Variants in PTPDC1 observed in about 807,000 individuals in gnomAD.
The protein encoded by PTPDC1 is protein tyrosine phosphatase domain containing 1, also known as protein tyrosine phosphatase domain-containing protein 1.
In PTPDC1, 53 loss-of-function variants were observed where a neutral mutation model predicts 75.3. The ratio of observed to expected loss-of-function variants is 0.70; its 90% CI spans 0.56 to 0.88. The LOEUF (loss-of-function observed/expected upper bound fraction) is 0.88. PTPDC1 is among the 40% of genes least tolerant of loss of function. PTPDC1 has a pLI of 0.00. For missense variants in PTPDC1, 925 were observed against 998.6 expected (o/e 0.93, Z 0.99); for synonymous variants, 349 against 366.2 (o/e 0.95, Z 0.54).
chr9:94,034,601 T>C (rs559150489), intron 1 of PTPDC1, among the ~76,000 whole-genome samples: 1 of 152,226 alleles, frequency 6.6e-6, no homozygotes, highest in South Asian at 2.1e-4. Flanking sequence ...AGTTAAAGAT[T>C]TCCTAGGTCT....
chr9:94,072,492 T>C (rs1826544498), intron 2 of PTPDC1, among the ~76,000 whole-genome samples: 1 of 152,042 alleles, frequency 6.6e-6, no homozygotes, highest in Non-Finnish European at 1.5e-5. Flanking sequence ...AGGACAGTTC[T>C]ATTTCCTCTT....
chr9:94,093,568 G>A lies in PTPDC1; in HGVS notation c.617-1749G>A, dbSNP rs568536359. On this transcript the variant is annotated intron_variant, in intron 4 of 8. Coordinates refer to ENST00000620992, the MANE Select transcript of PTPDC1 (RefSeq NM_001253829.2). The stretch of plus-strand genomic sequence containing the variant: ...GAATCTGACAATTATGTGTCTTGGA[G>A]TTGCCTTCTCGAGGAGTATCTTTGT... Among the ~76,000 whole-genome samples the A allele has an allele frequency of 4.6e-5, 7 of 152,006 alleles. No homozygotes were observed. In the East Asian group the frequency reaches 1.2e-3, roughly 25 times the overall value.
Position 94,094,952 on chromosome 9 carries a change from C to T in PTPDC1, c.617-365C>T, listed in dbSNP as rs974352765. 7.9e-5 allele frequency among the ~76,000 whole-genome samples: 12 copies of T among 152,220 alleles called. No individual in the cohort carries two copies. The South Asian group carries it at 1.2e-3, about 16-fold the overall frequency. Reference sequence around the variant, plus strand: ...TGCTTCGGCTGAGGCACGGTGCGTGCGCCCACTGACCTGCGCCCACTGTCT... The same window carrying T: ...TGCTTCGGCTGAGGCACGGTGCGTGTGCCCACTGACCTGCGCCCACTGTCT... On this transcript the variant is annotated intron_variant, in intron 4 of 8. Coordinates refer to ENST00000620992, the MANE Select transcript of PTPDC1 (RefSeq NM_001253829.2).
At chr9:94,076,181 A>T (rs996253199) in intron 2 of PTPDC1, among the ~76,000 whole-genome samples, 2 of 152,140 alleles carry the variant, frequency 1.3e-5, no homozygotes, top group Middle Eastern at 3.4e-3. Flanking sequence ...TGTATTTTTC[A>T]TGGAGACAGG....
upstream of PTPDC1, among the ~76,000 whole-genome samples, chr9:94,079,843 CT>C (rs1826817988): frequency 6.6e-6 from 1 of 152,208 alleles, no homozygotes; most frequent in African/African-American, 2.4e-5. Flanking sequence ...GGAATGATAG[CT>C]TCTGGTCTTC....
In PTPDC1 at chr9:94,084,709, T is replaced by C; in HGVS notation, c.179T>C (p.Met60Thr). ...CTGTCCTCGTCCTCTCTCCAGGTGA[T>C]GGTGGCTGTTTCCTCAGTCAGCCAT... ...KLLSSSSLQV[M>T]VAVSSVSHAE... is the part of the protein sequence containing the mutation. Residue 60 changes from methionine (M) to threonine (T), a missense_variant, in exon 1 of 9, where the codon ATG (methionine) becomes ACG (threonine). Transcript: ENST00000620992. 3.1e-6 allele frequency: 5 copies of C among 1,612,576 alleles called. No individual in the cohort carries two copies. The highest frequency in any genetic ancestry group is 4.2e-6 in the Non-Finnish European group (5 of 1,179,312).
At chr9:94,105,707 G>A (rs146660412) in intron 8 of PTPDC1, among the ~76,000 whole-genome samples, 3,732 of 147,050 alleles carry the variant, frequency 0.025, 152 homozygotes, top group African/African-American at 0.09. Flanking sequence ...GGTGGCTCAA[G>A]CCTGTAATCC....
intron 2 of PTPDC1, among the ~76,000 whole-genome samples, chr9:94,078,254 T>C (rs892740728): frequency 6.6e-6 from 1 of 152,230 alleles, no homozygotes; most frequent in Non-Finnish European, 1.5e-5. Context: ...TTATTTCCCC[T>C]TCATTTTTGA....
In PTPDC1 at chr9:94,093,702, A is replaced by G. The variant is rs1306011350; in HGVS notation, c.617-1615A>G. 5.9e-4 allele frequency among the ~76,000 whole-genome samples: 85 copies of G among 145,016 alleles called. 1 individual carries two copies. The highest frequency in any genetic ancestry group is 2.1e-3 in the African/African-American group (81 of 39,186). On this transcript the variant is annotated intron_variant, in intron 4 of 8. Transcript: ENST00000620992. ...GTTTTCCAACTTGGTTCCATTCTCC[A>G]CATCACTTTCAGGTACACCAATCAG...
chr9:94,053,519 G>T (rs942544469), intron 1 of PTPDC1, among the ~76,000 whole-genome samples: 1 of 152,082 alleles, frequency 6.6e-6, no homozygotes, highest in African/African-American at 2.4e-5. Context: ...AGTGGTATTA[G>T]GAGGCTGTTT....
At chr9:94,053,305 A>G (rs1272214430) in intron 1 of PTPDC1, among the ~76,000 whole-genome samples, 2 of 152,132 alleles carry the variant, frequency 1.3e-5, no homozygotes. Context: ...GTCTGAAAAA[A>G]GAAAAGGGTT....
chr9:94,031,711 T>A (rs1232805573), intron 1 of PTPDC1, among the ~76,000 whole-genome samples: 5 of 152,058 alleles, frequency 3.3e-5, no homozygotes, highest in Non-Finnish European at 7.4e-5. Flanking sequence ...CAGATATACG[T>A]TATACCTATG....
At chr9:94,094,015 T>G (rs1369950293) in intron 4 of PTPDC1, among the ~76,000 whole-genome samples, 2 of 152,232 alleles carry the variant, frequency 1.3e-5, no homozygotes, top group Non-Finnish European at 2.9e-5. Flanking sequence ...TCAACTGCTT[T>G]GCCTTTGGTT....
At chr9:94,096,168 T>C (rs376848857) in intron 5 of PTPDC1, among the ~76,000 whole-genome samples, 1 of 152,226 alleles carries the variant, frequency 6.6e-6, no homozygotes, top group African/African-American at 2.4e-5. Context: ...ATTTTCATTG[T>C]CATCTGATCC....
At chr9:94,032,726 G>A (rs917955836) in intron 1 of PTPDC1, among the ~76,000 whole-genome samples, 8 of 152,128 alleles carry the variant, frequency 5.3e-5, no homozygotes, top group African/African-American at 1.7e-4. Flanking sequence ...TCACTCTGTC[G>A]CCCAGTCTGG....
At chr9:94,039,159 T>A (rs562788106) in intron 1 of PTPDC1, among the ~76,000 whole-genome samples, 2 of 152,154 alleles carry the variant, frequency 1.3e-5, no homozygotes, top group Admixed American at 1.3e-4. Context: ...ATACACAAAT[T>A]TTAAAATTAT....
At chr9:94,058,634 AG>A (rs1826028194) in intron 1 of PTPDC1, among the ~76,000 whole-genome samples, 1 of 151,860 alleles carries the variant, frequency 6.6e-6, no homozygotes, top group Non-Finnish European at 1.5e-5. Context: ...ATGAACCTGG[AG>A]GGGGAAGTTG....
At chr9:94,070,412 T>G (rs1826473981) in intron 2 of PTPDC1, among the ~76,000 whole-genome samples, 1 of 152,218 alleles carries the variant, frequency 6.6e-6, no homozygotes, top group South Asian at 2.1e-4. Context: ...TTAGGCTTTA[T>G]GTATGGCTCT....
At chr9:94,068,194 T>C (rs2117888628) in intron 2 of PTPDC1, among the ~76,000 whole-genome samples, 1 of 152,270 alleles carries the variant, frequency 6.6e-6, no homozygotes, top group Non-Finnish European at 1.5e-5. Context: ...AATTTCAAAC[T>C]TACAGTAAAG....
Sources: allele counts gnomAD v4.1 joint callset (sites outside exome capture counted in the v4.1 genomes callset), GRCh38; gene constraint gnomAD v4.1.1; transcripts MANE v1.5; gene names NCBI Gene and HGNC (gene_info 2026-07-23, HGNC 2026-07-21).